The following COQ7 variants were observed in gnomAD, a reference collection of about 807,000 sequenced individuals.
The protein encoded by COQ7 is coenzyme Q7, hydroxylase, also known as NADPH-dependent 3-demethoxyubiquinone 3-hydroxylase, mitochondrial.
In COQ7, 21 loss-of-function variants were observed where a neutral mutation model predicts 25.0. The ratio of observed to expected loss-of-function variants is 0.84; its 90% confidence interval spans 0.60 to 1.21. The LOEUF (loss-of-function observed/expected upper bound fraction) is 1.21. COQ7 is among the 50% of genes most tolerant of loss of function. The probability of loss-of-function intolerance (pLI) is 0.00; values close to 1 mark genes in which losing one functional copy is unlikely to be tolerated. For missense variants in COQ7, 311 were observed against 296.2 expected, an observed-to-expected ratio of 1.05 and a Z score of -0.37; for synonymous variants, 125 against 112.4, an observed-to-expected ratio of 1.11 and a Z score of -0.71.
chr16:19,072,205 G>C, intron 2 of COQ7, 99 bp downstream of exon 2: 5 of 1,426,198 alleles, frequency 3.5e-6, no homozygotes, highest in South Asian at 1.3e-5. Flanking sequence ...TCCCTAGGGA[G>C]ATGCCATTGT....
At chr16:19,071,782 A>G in intron 1 of COQ7, 146 bp from the exon 2 acceptor site, 1 of 766,910 alleles carries the variant, frequency 1.3e-6, no homozygotes, top group South Asian at 1.7e-5. Context: ...TTAACACTGT[A>G]GGTTAAACAG....
chr16:19,071,372 G>T (rs1484644683), intron 1 of COQ7, among the ~76,000 whole-genome samples: 1 of 152,250 alleles, frequency 6.6e-6, no homozygotes, highest in African/African-American at 2.4e-5. Flanking sequence ...CTGACCTCAG[G>T]TGATCCATTC....
intron 1 of COQ7, 40 bp from the exon 2 acceptor site, chr16:19,071,888 T>C (rs1227771600): frequency 5.6e-6 from 9 of 1,611,220 alleles, no homozygotes; most frequent in Non-Finnish European, 7.6e-6. Context: ...ACATCTGGAT[T>C]TTACCTGATC....
intron 5 of COQ7, 117 bp from the exon 6 acceptor site, chr16:19,077,964 G>A: frequency 1.6e-6 from 1 of 637,886 alleles, no homozygotes; most frequent in Non-Finnish European, 2.5e-6. Context: ...AAAATAAATT[G>A]TTCCTTAGAT....
In COQ7 at chr16:19,067,644, T is replaced by C. The variant is rs766337642; in HGVS notation, c.-21T>C. Reference sequence around the variant, plus strand: ...TGGCCAGTTCCGTTCAACGAAGTGGTTGCTTTTTTTAGTTCCGGCAATGAG... The same window carrying C: ...TGGCCAGTTCCGTTCAACGAAGTGGCTGCTTTTTTTAGTTCCGGCAATGAG... On this transcript the variant is annotated 5_prime_UTR_variant, in exon 1 of 6. Transcript: ENST00000321998. 6.2e-7 allele frequency: 1 copy of C among 1,613,440 alleles called. No homozygotes were observed. The highest frequency in any genetic ancestry group is 1.7e-5 in the Admixed American group (1 of 59,976).
intron 2 of COQ7, among the ~76,000 whole-genome samples, chr16:19,073,079 G>A (rs1962646080): frequency 6.6e-6 from 1 of 152,184 alleles, no homozygotes; most frequent in Non-Finnish European, 1.5e-5. Flanking sequence ...GCTGTGGCGG[G>A]TGGATCACCT....
chr16:19,068,318 C>T (rs565252988), intron 1 of COQ7: 5 of 990,212 alleles, frequency 5.0e-6, no homozygotes, highest in South Asian at 8.9e-5. Context: ...GTTTTGGACC[C>T]TGGTTCCTGC....
At chr16:19,068,072 C>G (rs1445109866) in intron 1 of COQ7, 5 of 1,186,438 alleles carry the variant, frequency 4.2e-6, no homozygotes, top group Non-Finnish European at 5.2e-6. Context: ...CTCCGGGAGT[C>G]TCTCTCTTTG....
At chr16:19,068,319 T>C (rs1962349579) in intron 1 of COQ7, 4 of 990,400 alleles carry the variant, frequency 4.0e-6, no homozygotes, top group Non-Finnish European at 4.8e-6. Context: ...TTTTGGACCC[T>C]GGTTCCTGCT....
chr16:19,068,306 T>C lies in COQ7; in HGVS notation c.73+569T>C, dbSNP rs1962348355. 20 of 990,678 alleles carry C rather than the reference T, an allele frequency of 2.0e-5. No homozygotes were observed. In the South Asian group the frequency reaches 7.5e-4, roughly 37 times the overall value. The allele number at this position is 990,678 out of a possible 1,614,324, so 61.4% of individuals were successfully genotyped here. On this transcript the variant is annotated intron_variant, in intron 1 of 5. Coordinates refer to ENST00000321998, the MANE Select transcript of COQ7 (RefSeq NM_016138.5). ...GCATCGAATTTAGAGTAGAGAGACA[T>C]GGTTTTGGACCCTGGTTCCTGCTTT...
At chr16:19,071,433 G>A (rs1962551935) in intron 1 of COQ7, among the ~76,000 whole-genome samples, 1 of 152,274 alleles carries the variant, frequency 6.6e-6, no homozygotes, top group Admixed American at 6.5e-5. Flanking sequence ...ACCGCGCCCG[G>A]ACAGGTGTGG....
At chr16:19,072,903 G>T (rs533388854) in intron 2 of COQ7, among the ~76,000 whole-genome samples, 17 of 152,322 alleles carry the variant, frequency 1.1e-4, no homozygotes, top group Middle Eastern at 3.4e-3. Flanking sequence ...GGGTGTGGTG[G>T]CTCACGCCTG....
chr16:19,075,653 C>A, intron 3 of COQ7, 68 bp from the exon 4 acceptor site: 1 of 1,493,386 alleles, frequency 6.7e-7, no homozygotes, highest in Non-Finnish European at 9.0e-7. Context: ...GAAGCCCTGG[C>A]CACAGATGGT....
rs542391350 is a variant in COQ7 at position 19,070,504 on chromosome 16, G to A, written c.74-1424G>A. Among the ~76,000 whole-genome samples, 5 of 152,268 alleles carry A rather than the reference G, an allele frequency of 3.3e-5. No individual in the cohort carries two copies. The South Asian group carries it at 1.0e-3, about 32-fold the overall frequency. On this transcript the variant is annotated intron_variant, in intron 1 of 5. Coordinates refer to ENST00000321998, the MANE Select transcript of COQ7 (RefSeq NM_016138.5). The stretch of plus-strand genomic sequence containing the variant: ...TCCCAGCACTTTGGGAAGCCAAGGT[G>A]GGAGGATTGCTTGAGCTCAGGAGTT...
chr16:19,077,244 TG>T, intron 4 of COQ7, 61 bp from the exon 5 acceptor site: 1 of 1,461,142 alleles, frequency 6.8e-7, no homozygotes, highest in Non-Finnish European at 9.6e-7. Flanking sequence ...GCCTCCAAAA[TG>T]AAATGGAACA....
chr16:19,081,135 A>T (rs1290261727), downstream of COQ7, among the ~76,000 whole-genome samples: 3 of 152,148 alleles, frequency 2.0e-5, no homozygotes, highest in African/African-American at 7.2e-5. Flanking sequence ...TTTTATTTTG[A>T]GCTATTTACA....
intron 1 of COQ7, 37 bp from the exon 2 acceptor site, chr16:19,071,891 A>T: frequency 6.2e-7 from 1 of 1,611,784 alleles, no homozygotes; most frequent in Non-Finnish European, 8.5e-7. Flanking sequence ...TCTGGATTTT[A>T]CCTGATCATA....
At chr16:19,081,447 T>C (rs748949108), downstream of COQ7, among the ~76,000 whole-genome samples, 7 of 152,162 alleles carry the variant, frequency 4.6e-5, no homozygotes, top group Non-Finnish European at 1.0e-4. Context: ...TGTACAGGGC[T>C]CCTAACCTGT....
At chr16:19,072,871 G>A (rs1421789131) in intron 2 of COQ7, among the ~76,000 whole-genome samples, 1 of 152,154 alleles carries the variant, frequency 6.6e-6, no homozygotes, top group East Asian at 1.9e-4. Context: ...TTTTTCCTCT[G>A]ATGTAAATAA....
Sources: allele counts gnomAD v4.1 joint callset (sites outside exome capture counted in the v4.1 genomes callset), GRCh38; gene constraint gnomAD v4.1.1; transcripts MANE v1.5; gene names NCBI Gene and HGNC (gene_info 2026-07-23, HGNC 2026-07-21).